Variants in RIMBP2 observed in about 807,000 individuals in gnomAD.
RIMBP2 encodes the protein RIMS-binding protein 2.
In RIMBP2, 48 loss-of-function variants were observed where a neutral mutation model predicts 118.6. The observed-to-expected ratio is 0.40, with a 90% CI of 0.32 to 0.51. The LOEUF is 0.51. RIMBP2 is among the 20% of genes least tolerant of loss of function. The probability of loss-of-function intolerance (pLI) is 0.41; values close to 1 mark genes in which losing one functional copy is unlikely to be tolerated. For synonymous variants in RIMBP2, 762 were observed against 742.9 expected (o/e 1.03, Z -0.42); for missense variants, 1,551 against 1,768.3 (o/e 0.88, Z 2.20).
chr12:130,406,098 T>A, intron 21 of RIMBP2, 74 bp downstream of exon 21: 1 of 972,872 alleles, frequency 1.0e-6, no homozygotes, highest in South Asian at 1.4e-5. Context: ...AGGAACGGAC[T>A]AGCAAAACAA....
chr12:130,448,866 TG>T (rs964335571), intron 9 of RIMBP2, among the ~76,000 whole-genome samples: 2 of 152,254 alleles, frequency 1.3e-5, no homozygotes, highest in East Asian at 3.9e-4. Context: ...GTGGAACTGG[TG>T]TATTACCAAC....
Position 130,456,592 on chromosome 12 carries a change from G to T in RIMBP2, c.262C>A (p.Leu88Met). The part of the protein sequence containing the change: ...FRQHAGKIDL[L>M]GGSAVAPLDI... The stretch of plus-strand genomic sequence containing the variant: ...AGGGGGGCCACCGCGCTGCCACCCA[G>T]CAGGTCAATCTTGCCAGCGTGCTGC... Residue 88 changes from leucine (L) to methionine (M), a missense_variant, in exon 7 of 23, where the codon CTG becomes ATG. Physicochemically the swap from Leu to Met is conservative, Grantham distance 15. Coordinates refer to ENST00000690449, the MANE Select transcript of RIMBP2 (RefSeq NM_001393629.1). 6.2e-7 allele frequency: 1 copy of T among 1,613,658 alleles called. No homozygotes were observed. Among genetic ancestry groups the T allele is most frequent in the Non-Finnish European group, 8.5e-7 (1 of 1,179,724 alleles).
chr12:130,659,294 G>A (rs1002925062), intron 1 of RIMBP2, among the ~76,000 whole-genome samples: 16 of 152,214 alleles, frequency 1.1e-4, no homozygotes, highest in African/African-American at 3.1e-4. Context: ...AATGTCGGCC[G>A]GGTGCGGTGG....
chr12:130,425,238 T>C (rs1321151555), intron 15 of RIMBP2: 3 of 174,434 alleles, frequency 1.7e-5, no homozygotes, highest in Non-Finnish European at 3.6e-5. Flanking sequence ...GCCCGGGGGC[T>C]ACATCCTCAG....
At chr12:130,532,839 G>A (rs538730930) in intron 2 of RIMBP2, among the ~76,000 whole-genome samples, 2 of 151,320 alleles carry the variant, frequency 1.3e-5, no homozygotes, top group East Asian at 4.0e-4. Flanking sequence ...CTAATGAGAT[G>A]CGTGTGTTTA....
chr12:130,619,218 G>T (rs79338549), intron 2 of RIMBP2, among the ~76,000 whole-genome samples: 2,272 of 152,234 alleles, frequency 0.015, 61 homozygotes, highest in African/African-American at 0.052. Flanking sequence ...AATACTACGC[G>T]AGCAAAGGTG....
chr12:130,477,845 T>G (rs1022226102), intron 5 of RIMBP2, among the ~76,000 whole-genome samples: 1 of 152,178 alleles, frequency 6.6e-6, no homozygotes, highest in African/African-American at 2.4e-5. Flanking sequence ...GAGTGGCCCA[T>G]CCCAGCCAGC....
chr12:130,455,164 G>A (rs1307814260), intron 7 of RIMBP2, among the ~76,000 whole-genome samples: 1 of 152,258 alleles, frequency 6.6e-6, no homozygotes, highest in South Asian at 2.1e-4. Context: ...ACGGGAGGGA[G>A]AGAGACAGCA....
rs116042062 is a variant in RIMBP2 at position 130,697,808 on chromosome 12, C to T, written c.-352+18414G>A. Among the ~76,000 whole-genome samples the T allele has an allele frequency of 3.5e-3, 534 of 152,270 alleles. 5 individuals are homozygous for T. The highest frequency in any genetic ancestry group is 0.012 in the African/African-American group (514 of 41,566). ...CTGCACTCCAGCCTGGGCCACAAAG[C>T]AAGACCCCATCTCTTTAAAAAAACA... On this transcript the variant is annotated intron_variant, in intron 1 of 22. Transcript: ENST00000690449.
chr12:130,649,110 T>C lies in RIMBP2; in HGVS notation c.-351-20654A>G, dbSNP rs577683666. On this transcript the variant is annotated intron_variant, in intron 1 of 22. Transcript: ENST00000690449. ...CTGCCCTTCGTGGCGGCCGATAGGC[T>C]CAGTCGGAGGTGGGTATGGAGGTGG... Among the ~76,000 whole-genome samples, 3 of 145,618 alleles carry C rather than the reference T, an allele frequency of 2.1e-5. 1 individual carries two copies. Among genetic ancestry groups the C allele is most frequent in the African/African-American group, 7.4e-5 (3 of 40,786 alleles).
intron 21 of RIMBP2, among the ~76,000 whole-genome samples, chr12:130,401,881 A>C (rs956090460): frequency 5.9e-5 from 9 of 152,064 alleles, no homozygotes; most frequent in Non-Finnish European, 1.3e-4. Context: ...TGTTCTGTGA[A>C]CACACACAAT....
rs79936624 is a variant in RIMBP2, at chr12:130,483,933, G to A, written c.-3-4917C>T. 6.3e-4 allele frequency among the ~76,000 whole-genome samples: 95 copies of A among 150,924 alleles called. 1 individual carries two copies. The East Asian group carries it at 0.013, about 21-fold the overall frequency. On this transcript the variant is annotated intron_variant, in intron 4 of 22. Transcript: ENST00000690449. ...CACGGTGCCCGGAGCCCCTGTCCCC[G>A]CCTAGATGTGTCCCTGAGCCATGCC...
chr12:130,445,318 C>T (rs1482222972), intron 9 of RIMBP2, 49 bp from the exon 10 acceptor site: 2 of 1,370,112 alleles, frequency 1.5e-6, no homozygotes, highest in Admixed American at 3.8e-5. Flanking sequence ...AGGACACAGC[C>T]CGCACCCCTG....
chr12:130,598,898 A>G (rs936498632), intron 2 of RIMBP2, among the ~76,000 whole-genome samples: 1 of 152,162 alleles, frequency 6.6e-6, no homozygotes, highest in Admixed American at 6.5e-5. Flanking sequence ...GGAATTTTTG[A>G]TGGGGTCTAT....
intron 9 of RIMBP2, among the ~76,000 whole-genome samples, chr12:130,448,383 T>C (rs538880568): frequency 2.0e-5 from 3 of 152,292 alleles, no homozygotes; most frequent in African/African-American, 7.2e-5. Flanking sequence ...CCCTCTGAGG[T>C]TGGCCATCGT....
At chr12:130,540,501 C>A (rs1204583255) in intron 2 of RIMBP2, among the ~76,000 whole-genome samples, 1 of 152,144 alleles carries the variant, frequency 6.6e-6, no homozygotes, top group African/African-American at 2.4e-5. Flanking sequence ...GAGTTTCTTT[C>A]TCAGGAAACC....
intron 21 of RIMBP2, 77 bp from the exon 22 acceptor site, chr12:130,399,890 A>G: frequency 6.7e-7 from 1 of 1,492,722 alleles, no homozygotes; most frequent in Non-Finnish European, 9.2e-7. Flanking sequence ...AAAGGAATAC[A>G]GCTCAGAGTA....
chr12:130,406,019 G>A (rs1428933896), intron 21 of RIMBP2, among the ~76,000 whole-genome samples, 153 bp downstream of exon 21: 1 of 152,166 alleles, frequency 6.6e-6, no homozygotes, highest in African/African-American at 2.4e-5. Context: ...ACTCAGCAAA[G>A]TTCTATAACT....
In RIMBP2 at chr12:130,576,196, T is replaced by C. The variant is rs1211731968; in HGVS notation, c.-217+52126A>G. 1.3e-5 allele frequency among the ~76,000 whole-genome samples: 2 copies of C among 152,176 alleles called. No homozygotes were observed. The highest frequency in any genetic ancestry group is 4.8e-5 in the African/African-American group (2 of 41,438). ...ACGGTAGGAACCTTGCTTTGTATCC[T>C]GAGCATGAGAAGACGTCTTTTTTAC... is the stretch of plus-strand genomic sequence containing the variant. On this transcript the variant is annotated intron_variant, in intron 2 of 22. Coordinates refer to ENST00000690449, the MANE Select transcript of RIMBP2 (RefSeq NM_001393629.1). The surrounding 1 kb of genome is among the most constrained non-coding windows in gnomAD (Gnocchi z 4.2).
Sources: allele counts gnomAD v4.1 joint callset (sites outside exome capture counted in the v4.1 genomes callset), GRCh38; gene constraint gnomAD v4.1.1; non-coding constraint Gnocchi (gnomAD v3.1); transcripts MANE v1.5; gene names NCBI Gene and HGNC (gene_info 2026-07-23, HGNC 2026-07-21).